Variants in DNM3 observed in about 807,000 individuals in gnomAD.
DNM3 encodes the protein dynamin-3.
In DNM3, 47 loss-of-function variants were observed where a neutral mutation model predicts 101.6. The ratio of observed to expected loss-of-function variants is 0.46; its 90% CI spans 0.37 to 0.59. The LOEUF is 0.59. Among genes scored for constraint, DNM3 ranks in the 20% least tolerant of loss-of-function variants. The pLI is 0.00. For synonymous variants in DNM3, 385 were observed against 387.9 expected, an observed-to-expected ratio of 0.99 and a Z score of 0.09; for missense variants, 849 against 1,085.7, an observed-to-expected ratio of 0.78 and a Z score of 3.06.
intron 6 of DNM3, 93 bp from the exon 7 acceptor site, chr1:172,038,226 A>G (rs1170919536): frequency 2.7e-6 from 4 of 1,487,998 alleles, no homozygotes; most frequent in Non-Finnish European, 3.6e-6. Context: ...TATTAGAAAA[A>G]CAATGGAGGC....
At chr1:172,151,540 G>A (rs1374134029) in intron 14 of DNM3, among the ~76,000 whole-genome samples, 1 of 152,062 alleles carries the variant, frequency 6.6e-6, no homozygotes, top group African/African-American at 2.4e-5. Context: ...TCTCTCCTCA[G>A]GTTCTTCAAG....
At chr1:172,108,090 C>A (rs111392395) in intron 13 of DNM3, among the ~76,000 whole-genome samples, 1,726 of 151,968 alleles carry the variant, frequency 0.011, 35 homozygotes, top group African/African-American at 0.039. Context: ...AATGCCAGGG[C>A]ATATCAGGAC....
chr1:172,403,190 A>G (rs777472456), intron 20 of DNM3, among the ~76,000 whole-genome samples: 1 of 152,216 alleles, frequency 6.6e-6, no homozygotes, highest in Non-Finnish European at 1.5e-5. Flanking sequence ...ACTGAACTAC[A>G]TAGGCCCATT....
chr1:172,376,442 AC>A (rs1396399479), intron 17 of DNM3: 1 of 152,114 alleles, frequency 6.6e-6, no homozygotes, highest in African/African-American at 2.4e-5. Context: ...TATAATTTAA[AC>A]AAAGAAAAAA....
At chr1:171,986,285 G>A (rs1341639407) in intron 2 of DNM3, among the ~76,000 whole-genome samples, 2 of 151,894 alleles carry the variant, frequency 1.3e-5, no homozygotes, top group African/African-American at 2.4e-5. Flanking sequence ...GAGCAGGTTA[G>A]CATTTACATT....
intron 14 of DNM3, among the ~76,000 whole-genome samples, chr1:172,180,610 G>A (rs530846): frequency 0.032 from 4,802 of 151,820 alleles, 256 homozygotes; most frequent in African/African-American, 0.11. Flanking sequence ...ATCATAAAAA[G>A]TTTCCTTCTT....
intron 15 of DNM3, among the ~76,000 whole-genome samples, chr1:172,263,531 C>T (rs150513008): frequency 6.6e-5 from 10 of 152,162 alleles, no homozygotes; most frequent in African/African-American, 2.4e-4. Flanking sequence ...TTCATGGACT[C>T]ATAGTTCCAC....
intron 1 of DNM3, among the ~76,000 whole-genome samples, chr1:171,851,281 A>G (rs1297744790): frequency 1.3e-5 from 2 of 152,202 alleles, no homozygotes; most frequent in Non-Finnish European, 2.9e-5. Flanking sequence ...TCCGTAGTGC[A>G]GTGCCGGCAT....
intron 16 of DNM3, chr1:172,309,487 A>G (rs1308439791): frequency 6.6e-6 from 1 of 152,208 alleles, no homozygotes; most frequent in African/African-American, 2.4e-5. Flanking sequence ...TTTAAACAGA[A>G]GTCTCACCCA....
At chr1:172,202,442 T>G (rs947899896) in intron 14 of DNM3, among the ~76,000 whole-genome samples, 2 of 152,180 alleles carry the variant, frequency 1.3e-5, no homozygotes, top group Non-Finnish European at 2.9e-5. Flanking sequence ...TACTAGATTA[T>G]GTCTTTCAAG....
chr1:172,181,375 T>TACACACGCAC (rs369556554), intron 14 of DNM3, among the ~76,000 whole-genome samples: 1 of 147,612 alleles, frequency 6.8e-6, no homozygotes, highest in African/African-American at 2.5e-5. Flanking sequence ...CACTTGAGTT[T>TACACACGCAC]ACACACACAC....
chr1:172,275,292 T>C (rs1177389893), intron 15 of DNM3, among the ~76,000 whole-genome samples: 1 of 152,068 alleles, frequency 6.6e-6, no homozygotes, highest in African/African-American at 2.4e-5. Flanking sequence ...TGTGTGAATA[T>C]ACAGATGATA....
intron 10 of DNM3, among the ~76,000 whole-genome samples, chr1:172,051,135 C>T (rs2050178133): frequency 6.6e-6 from 1 of 152,168 alleles, no homozygotes; most frequent in Non-Finnish European, 1.5e-5. Context: ...TAGCTTTCTT[C>T]AGTGAAGGAT....
rs1558102733 is a variant in DNM3 at position 172,407,758 on chromosome 1, T to C, written c.2523-14T>C. 6.2e-7 allele frequency: 1 copy of C among 1,612,454 alleles called. No individual in the cohort carries two copies. Among genetic ancestry groups the C allele is most frequent in the South Asian group, 1.1e-5 (1 of 91,034 alleles). On this transcript the variant is annotated splice_polypyrimidine_tract_variant and intron_variant, in intron 20 of 20. Coordinates refer to ENST00000627582, the MANE Select transcript of DNM3 (RefSeq NM_015569.5). ...TCTACTTGTTTCTTTACCTTTCTCTTTTTCTCTTTCTAGCCGGAGACCACC... is the reference window on the plus strand; with the variant it reads ...TCTACTTGTTTCTTTACCTTTCTCTCTTTCTCTTTCTAGCCGGAGACCACC...
At chr1:172,110,872 C>T (rs995415768) in intron 13 of DNM3, among the ~76,000 whole-genome samples, 7 of 152,010 alleles carry the variant, frequency 4.6e-5, no homozygotes, top group South Asian at 2.1e-4. Flanking sequence ...CCTGTCTCTA[C>T]GAAAGATACA....
intron 12 of DNM3, among the ~76,000 whole-genome samples, chr1:172,087,699 T>C (rs2053628739): frequency 6.6e-6 from 1 of 152,168 alleles, no homozygotes; most frequent in Admixed American, 6.6e-5. Context: ...TCTATCATCA[T>C]TGCCACTACT....
chr1:172,344,558 C>A (rs890924001), intron 17 of DNM3, among the ~76,000 whole-genome samples: 2 of 152,196 alleles, frequency 1.3e-5, no homozygotes, highest in African/African-American at 4.8e-5. Flanking sequence ...TGAACCCCTT[C>A]CCACCCACTT....
chr1:171,945,730 A>G (rs1030431236), intron 2 of DNM3, among the ~76,000 whole-genome samples: 25 of 152,278 alleles, frequency 1.6e-4, no homozygotes, highest in African/African-American at 5.5e-4. Flanking sequence ...ACAAGAGACA[A>G]GAGGCTAAGA....
intron 4 of DNM3, among the ~76,000 whole-genome samples, chr1:171,992,807 A>G (rs551454517): frequency 6.6e-6 from 1 of 151,090 alleles, no homozygotes; most frequent in African/African-American, 2.4e-5. Flanking sequence ...CTCTGCTACT[A>G]TCTCCTTTTG....
Sources: gnomAD v4.1 joint callset for allele counts (sites outside exome capture counted in the v4.1 genomes callset) on GRCh38, gnomAD v4.1.1 for gene constraint, MANE v1.5 for transcripts, NCBI Gene and HGNC (gene_info 2026-07-23, HGNC 2026-07-21) for gene names.